Variants in SORBS2 observed in about 807,000 individuals in gnomAD.
SORBS2 encodes sorbin and SH3 domain-containing protein 2.
A neutral mutation model predicts 97.7 loss-of-function variants in SORBS2; 46 were observed. The ratio of observed to expected loss-of-function variants is 0.47; its 90% CI spans 0.37 to 0.60. The LOEUF (loss-of-function observed/expected upper bound fraction) is 0.60, where lower values mean the gene tolerates loss of function less well. Ranked by LOEUF, SORBS2 falls within the 20% of genes least tolerant of loss-of-function variation. The pLI is 0.00. For synonymous variants in SORBS2, 476 were observed against 473.4 expected, an observed-to-expected ratio of 1.01 and a Z score of -0.07; for missense variants, 1,316 against 1,282.3, an observed-to-expected ratio of 1.03 and a Z score of -0.40.
intron 2 of SORBS2, among the ~76,000 whole-genome samples, chr4:185,728,368 G>A (rs2098580054): frequency 6.6e-6 from 1 of 152,174 alleles, no homozygotes; most frequent in Non-Finnish European, 1.5e-5. Context: ...TGTATTTCTG[G>A]ATGGGAATCA....
rs1337038953 is a variant in SORBS2, at chr4:185,919,688, C to G, written c.-338+36508G>C. Among the ~76,000 whole-genome samples the G allele has an allele frequency of 2.6e-5, 4 of 152,242 alleles. No homozygotes were observed. The East Asian group carries it at 7.7e-4, about 29-fold the overall frequency. Reference sequence around the variant, plus strand: ...TTGACACACACATGCAATTAACCCACTTCACCAGGATATGTCACCAAATTG... The same window carrying G: ...TTGACACACACATGCAATTAACCCAGTTCACCAGGATATGTCACCAAATTG... On this transcript the variant is annotated intron_variant, in intron 1 of 20. Transcript: ENST00000284776.
intron 1 of SORBS2, among the ~76,000 whole-genome samples, chr4:185,953,744 G>A (rs552268383): frequency 2.0e-5 from 3 of 152,312 alleles, no homozygotes; most frequent in Admixed American, 6.5e-5. Context: ...GGTGGGAATC[G>A]ATTTTATCAC....
intron 12 of SORBS2, among the ~76,000 whole-genome samples, chr4:185,609,541 G>A (rs1246566683): frequency 6.6e-6 from 1 of 152,166 alleles, no homozygotes; most frequent in Non-Finnish European, 1.5e-5. Context: ...GCCAAATGAA[G>A]CATCCTGGTA....
At chr4:185,612,008 A>C (rs2096546110) in intron 11 of SORBS2, 28 bp from the exon 24 acceptor site, 2 of 1,321,314 alleles carry the variant, frequency 1.5e-6, no homozygotes, top group Admixed American at 3.5e-5. Flanking sequence ...AAAATGCATT[A>C]GAAACAGAGA....
chr4:185,922,754 T>A (rs1323543418), intron 1 of SORBS2, among the ~76,000 whole-genome samples: 1 of 152,236 alleles, frequency 6.6e-6, no homozygotes, highest in African/African-American at 2.4e-5. Flanking sequence ...CAGAGTGCTT[T>A]ATGGATTACA....
chr4:185,783,885 A>G (rs2099043264), intron 1 of SORBS2, among the ~76,000 whole-genome samples: 1 of 152,174 alleles, frequency 6.6e-6, no homozygotes, highest in African/African-American at 2.4e-5. Context: ...TTAAGTCACT[A>G]TTCCCATATT....
chr4:185,851,976 G>C (rs922774067), intron 1 of SORBS2, among the ~76,000 whole-genome samples: 7 of 152,104 alleles, frequency 4.6e-5, no homozygotes, highest in Admixed American at 1.3e-4. Flanking sequence ...ACTAATATAA[G>C]ACTGTAGAGA....
chr4:185,676,952 C>CGATACGCATGTATT, intron 4 of SORBS2: 2 of 1,499,862 alleles, frequency 1.3e-6, no homozygotes, highest in South Asian at 2.5e-5. Context: ...AGGGTCTCTA[C>CGATACGCATGTATT]GATACGCATG....
Position 185,684,797 on chromosome 4 carries a change from TG to T in SORBS2, c.-197-5976del. Reference sequence around the variant, plus strand: ...GAGAACTTTGCACTCTCTTCACAGATGTTAGCGTAACAGACATGGCGGCACG... The same window carrying T: ...GAGAACTTTGCACTCTCTTCACAGATTTAGCGTAACAGACATGGCGGCACG... On this transcript the variant is annotated intron_variant, in intron 2 of 20. Transcript: ENST00000284776. The surrounding 1 kb of genome is among the most constrained non-coding windows in gnomAD (Gnocchi z 4.2). 6.4e-7 allele frequency: 1 copy of T among 1,552,028 alleles called. No individual in the cohort carries two copies. Among genetic ancestry groups the T allele is most frequent in the Non-Finnish European group, 8.7e-7 (1 of 1,147,040 alleles).
intron 1 of SORBS2, among the ~76,000 whole-genome samples, chr4:185,943,882 T>C (rs1374209228): frequency 6.6e-6 from 1 of 152,196 alleles, no homozygotes; most frequent in Non-Finnish European, 1.5e-5. Flanking sequence ...CAAATGCTTC[T>C]TCAAAACACA....
intron 5 of SORBS2, among the ~76,000 whole-genome samples, chr4:185,627,801 C>A (rs76400043): frequency 3.7e-4 from 56 of 151,760 alleles, no homozygotes; most frequent in Non-Finnish European, 4.0e-4. Context: ...AATAGTCTTC[C>A]CGCCATAAAA....
At chr4:185,864,731 T>G (rs752336758) in intron 1 of SORBS2, among the ~76,000 whole-genome samples, 1 of 151,860 alleles carries the variant, frequency 6.6e-6, no homozygotes, top group African/African-American at 2.4e-5. Context: ...GCCAACATGG[T>G]GAAACCCTGT....
At chr4:185,697,159 C>A (rs1021773634) in intron 2 of SORBS2, among the ~76,000 whole-genome samples, 2 of 152,224 alleles carry the variant, frequency 1.3e-5, no homozygotes, top group Non-Finnish European at 2.9e-5. Context: ...CGCTAGACAG[C>A]AAAGCATCCC....
intron 4 of SORBS2, among the ~76,000 whole-genome samples, chr4:185,633,669 C>A (rs1028487484): frequency 3.3e-5 from 5 of 151,806 alleles, no homozygotes; most frequent in African/African-American, 1.2e-4. Context: ...CTTGGAAGTG[C>A]TGAAAAGTGT....
At chr4:185,588,118 G>A in intron 14 of SORBS2, 1 of 170,192 alleles carries the variant, frequency 5.9e-6, no homozygotes, top group Non-Finnish European at 1.3e-5. Context: ...CGCAACACAG[G>A]TGCGACATGA....
At chr4:185,951,307 T>C (rs1487758997) in intron 1 of SORBS2, among the ~76,000 whole-genome samples, 2 of 152,148 alleles carry the variant, frequency 1.3e-5, no homozygotes, top group Admixed American at 1.3e-4. Context: ...CACAGGACCA[T>C]GCCTCCCATG....
chr4:185,880,821 AC>A (rs1337913860), intron 1 of SORBS2, among the ~76,000 whole-genome samples: 55 of 152,206 alleles, frequency 3.6e-4, no homozygotes, highest in African/African-American at 1.2e-3. Context: ...ACAAGGGCTG[AC>A]AGGTTCGGAG....
intron 1 of SORBS2, among the ~76,000 whole-genome samples, chr4:185,881,059 C>T (rs1399029840): frequency 3.9e-5 from 6 of 152,026 alleles, no homozygotes; most frequent in Non-Finnish European, 7.4e-5. Flanking sequence ...AGTTGCTGAG[C>T]AAAAGCTTGG....
chr4:185,804,160 A>G (rs1417181510), intron 1 of SORBS2, among the ~76,000 whole-genome samples: 1 of 152,240 alleles, frequency 6.6e-6, no homozygotes, highest in Admixed American at 6.5e-5. Flanking sequence ...AAAAACCCAT[A>G]ACAAAACAAA....
Sources: gnomAD v4.1 joint callset for allele counts (sites outside exome capture counted in the v4.1 genomes callset) on GRCh38, gnomAD v4.1.1 for gene constraint, Gnocchi (gnomAD v3.1) non-coding constraint, MANE v1.5 for transcripts, NCBI Gene and HGNC (gene_info 2026-07-23, HGNC 2026-07-21) for gene names.